TTC17: variants seen among roughly 807,000 people sequenced by gnomAD.
The protein encoded by TTC17 is tetratricopeptide repeat protein 17.
Under a neutral mutation model 143.8 loss-of-function variants are expected in TTC17, and 58 were observed. The observed-to-expected ratio is 0.40, with a 90% CI of 0.33 to 0.50. The LOEUF (loss-of-function observed/expected upper bound fraction) is 0.50, where lower values mean the gene tolerates loss of function less well. Among genes scored for constraint, TTC17 ranks in the 20% least tolerant of loss-of-function variants. The pLI is 0.49. For missense variants in TTC17, 1,273 were observed against 1,392.5 expected, an observed-to-expected ratio of 0.91 and a Z score of 1.37; for synonymous variants, 501 against 497.8, an observed-to-expected ratio of 1.01 and a Z score of -0.09.
chr11:43,474,709 A>C (rs1948153314), intron 21 of TTC17, among the ~76,000 whole-genome samples: 1 of 152,244 alleles, frequency 6.6e-6, no homozygotes, highest in African/African-American at 2.4e-5. Flanking sequence ...ATCCACATAT[A>C]ACTTTTGACT....
intron 1 of TTC17, among the ~76,000 whole-genome samples, chr11:43,372,824 T>C (rs961056623): frequency 1.3e-5 from 2 of 152,064 alleles, no homozygotes; most frequent in African/African-American, 2.4e-5. Flanking sequence ...ATTGTAATAT[T>C]GTTAAAAAGG....
intron 2 of TTC17, 67 bp downstream of exon 2, chr11:43,379,389 A>C: frequency 7.1e-7 from 1 of 1,404,514 alleles, no homozygotes; most frequent in Non-Finnish European, 9.9e-7. Flanking sequence ...ATTGTGTTCA[A>C]AGAAAAGCTA....
In TTC17 at chr11:43,493,968, C is replaced by A. The variant is rs183431917; in HGVS notation, c.*64C>A. On this transcript the variant is annotated 3_prime_UTR_variant, in exon 24 of 24. Coordinates refer to ENST00000039989, the MANE Select transcript of TTC17 (RefSeq NM_018259.6). ...TAAAAAAAAAGAATAAGAAAAGAAA[C>A]CAATCATTGTCAGTATCTACTATTA... 59 of 1,504,064 alleles carry A rather than the reference C, an allele frequency of 3.9e-5. 1 individual carries two copies. The Admixed American group carries it at 1.3e-3, about 33-fold the overall frequency. The allele number at this position is 1,504,064 out of a possible 1,614,324, so 93.2% of individuals were successfully genotyped here. A position where few individuals can be genotyped will look rare whatever the true frequency, so the allele number is the denominator to read the frequency against.
chr11:43,400,480 A>G (rs781003209), intron 9 of TTC17, among the ~76,000 whole-genome samples: 3 of 152,120 alleles, frequency 2.0e-5, no homozygotes, highest in Non-Finnish European at 2.9e-5. Context: ...ACTCTGCACT[A>G]TGGGTAACAA....
intron 10 of TTC17, among the ~76,000 whole-genome samples, chr11:43,403,401 C>A (rs1017706680): frequency 5.3e-5 from 8 of 152,128 alleles, no homozygotes; most frequent in African/African-American, 1.9e-4. Context: ...CATTATCTAG[C>A]AAGGTTTCAG....
chr11:43,451,378 G>T (rs906962010), intron 21 of TTC17, 113 bp downstream of exon 21: 2 of 872,694 alleles, frequency 2.3e-6, no homozygotes, highest in Non-Finnish European at 3.7e-6. Flanking sequence ...AGCACTTGGT[G>T]GCTAAAAGGA....
At chr11:43,412,794 T>A (rs774903574) in intron 15 of TTC17, among the ~76,000 whole-genome samples, 22 of 152,274 alleles carry the variant, frequency 1.4e-4, no homozygotes, top group Non-Finnish European at 2.4e-4. Flanking sequence ...TAAGGGATAC[T>A]CAACTTGTAA....
chr11:43,467,040 C>G (rs1443181879), intron 21 of TTC17, among the ~76,000 whole-genome samples: 1 of 151,906 alleles, frequency 6.6e-6, no homozygotes, highest in African/African-American at 2.4e-5. Context: ...AGCTGGATTG[C>G]AGAGTTAAGT....
Position 43,443,498 on chromosome 11 carries a change from G to A in TTC17, c.2425G>A (p.Val809Met), listed in dbSNP as rs1451923268. ...GCGTCTAGACTTACAAGGAATACGG[G>A]TGCTGAAGAAAGGTCCCCAGGATGG... ...GRRLDLQGIR[V>M]LKKGPQDGVA... The change falls in exon 17 of 24, where the codon GTG (valine) becomes ATG (methionine). Residue 809 changes from valine (V) to methionine (M), a missense_variant. Coordinates refer to ENST00000039989, the MANE Select transcript of TTC17 (RefSeq NM_018259.6). 2.5e-6 allele frequency: 4 copies of A among 1,614,166 alleles called. No homozygotes were observed. Among genetic ancestry groups the A allele is most frequent in the Non-Finnish European group, 3.4e-6 (4 of 1,180,016 alleles).
intron 1 of TTC17, among the ~76,000 whole-genome samples, chr11:43,362,162 T>TGTGG (rs1185461337): frequency 4.8e-5 from 6 of 124,906 alleles, no homozygotes; most frequent in African/African-American, 1.6e-4. Flanking sequence ...TGTGTGTGTG[T>TGTGG]GTGTGTGTGT....
intron 2 of TTC17, 53 bp downstream of exon 2, chr11:43,379,375 A>G: frequency 6.7e-7 from 1 of 1,494,666 alleles, no homozygotes. Flanking sequence ...ATTTCACAGG[A>G]GCCATTGTGT....
At chr11:43,430,147 G>A (rs1380263561) in intron 16 of TTC17, among the ~76,000 whole-genome samples, 1 of 152,200 alleles carries the variant, frequency 6.6e-6, no homozygotes, top group East Asian at 1.9e-4. Flanking sequence ...ACTAGAGGGG[G>A]CTGAGCACAG....
chr11:43,484,293 C>T (rs187667722), intron 21 of TTC17, among the ~76,000 whole-genome samples: 3 of 152,184 alleles, frequency 2.0e-5, no homozygotes, highest in Admixed American at 6.5e-5. Context: ...CCCGTAAACT[C>T]AATAAATAAA....
intron 5 of TTC17, among the ~76,000 whole-genome samples, chr11:43,393,254 C>G (rs1480654235): frequency 2.6e-5 from 4 of 152,212 alleles, no homozygotes; most frequent in Non-Finnish European, 2.9e-5. Context: ...AGTCGCAAGT[C>G]AAGGCCACCA....
At chr11:43,439,726 C>T (rs1392689916) in intron 16 of TTC17, among the ~76,000 whole-genome samples, 2 of 152,224 alleles carry the variant, frequency 1.3e-5, no homozygotes, top group East Asian at 3.8e-4. Context: ...CCGTCTCGAC[C>T]TCCCAAAGTG....
chr11:43,362,179 G>T lies in TTC17; in HGVS notation c.159+3066G>T, dbSNP rs1000554892. On this transcript the variant is annotated intron_variant, in intron 1 of 23. Coordinates refer to ENST00000039989, the MANE Select transcript of TTC17 (RefSeq NM_018259.6). Reference sequence around the variant, plus strand: ...TGTGTGTGTGTGTGTGTGTGTGTGTGTGTGTGTGTGTGTGTATTTTTAGTA... The same window carrying T: ...TGTGTGTGTGTGTGTGTGTGTGTGTTTGTGTGTGTGTGTGTATTTTTAGTA... Among the ~76,000 whole-genome samples the T allele has an allele frequency of 1.5e-3, 219 of 144,868 alleles. 5 individuals carry two copies. In the East Asian group the frequency reaches 0.038, roughly 25 times the overall value.
At chr11:43,381,948 C>A (rs1216842743) in intron 2 of TTC17, among the ~76,000 whole-genome samples, 1 of 152,184 alleles carries the variant, frequency 6.6e-6, no homozygotes, top group African/African-American at 2.4e-5. Context: ...AAATGCCTAT[C>A]AGGCATTCAA....
chr11:43,436,230 C>T, intron 16 of TTC17: 1 of 1,485,556 alleles, frequency 6.7e-7, no homozygotes, highest in Non-Finnish European at 8.9e-7. Context: ...AACTCACAGT[C>T]ACTGGATGCT....
chr11:43,460,743 C>T (rs1947849858), intron 21 of TTC17, among the ~76,000 whole-genome samples: 1 of 152,220 alleles, frequency 6.6e-6, no homozygotes, highest in Non-Finnish European at 1.5e-5. Flanking sequence ...GATGGCTTTA[C>T]TCAAATGTCT....
Sources: allele counts gnomAD v4.1 joint callset (sites outside exome capture counted in the v4.1 genomes callset), GRCh38; gene constraint gnomAD v4.1.1; transcripts MANE v1.5; gene names NCBI Gene and HGNC (gene_info 2026-07-23, HGNC 2026-07-21).